The following CNTN3 variants were observed in gnomAD, a reference collection of about 807,000 sequenced individuals.
CNTN3 encodes contactin 3.
In CNTN3, 60 loss-of-function variants were observed where a neutral mutation model predicts 119.1. The ratio of observed to expected loss-of-function variants is 0.50; its 90% CI spans 0.41 to 0.62. The LOEUF is 0.62. Ranked by LOEUF, CNTN3 falls within the 20% of genes least tolerant of loss-of-function variation. CNTN3 has a pLI of 0.00. For missense variants in CNTN3, 1,101 were observed against 1,242.4 expected, an observed-to-expected ratio of 0.89 and a Z score of 1.71; for synonymous variants, 450 against 438.7, an observed-to-expected ratio of 1.03 and a Z score of -0.32.
intron 4 of CNTN3, among the ~76,000 whole-genome samples, chr3:74,440,076 C>T (rs1316318119): frequency 6.6e-6 from 1 of 152,154 alleles, no homozygotes; most frequent in Admixed American, 6.5e-5. Flanking sequence ...GTATAACTGG[C>T]TTCCATTAGT....
intron 1 of CNTN3, among the ~76,000 whole-genome samples, chr3:74,537,059 C>A (rs1386696502): frequency 6.6e-6 from 1 of 151,960 alleles, no homozygotes; most frequent in Non-Finnish European, 1.5e-5. Flanking sequence ...TGTCCTGAGA[C>A]CAGGAGTTTG....
In CNTN3 at chr3:74,318,155, C is replaced by T. The variant is rs1324663084; in HGVS notation, c.1669-15348G>A. Among the ~76,000 whole-genome samples, 3 of 152,324 alleles carry T rather than the reference C, an allele frequency of 2.0e-5. No homozygotes were observed. In the East Asian group the frequency reaches 5.8e-4, roughly 29 times the overall value. ...CAGCTCCTGAGGTTTCTGCATTCTT[C>T]ACGTAGTTCTCAAGCCTTGGCTTTC... On this transcript the variant is annotated intron_variant, in intron 13 of 22. Coordinates refer to ENST00000263665, the MANE Select transcript of CNTN3 (RefSeq NM_020872.3).
chr3:74,595,576 C>G (rs1273937947), intron 1 of CNTN3, among the ~76,000 whole-genome samples: 7 of 151,968 alleles, frequency 4.6e-5, no homozygotes, highest in Non-Finnish European at 1.0e-4. Flanking sequence ...TAAACAGAAC[C>G]AAAGACAAAA....
chr3:74,471,129 C>T (rs181306668), intron 4 of CNTN3, among the ~76,000 whole-genome samples: 186 of 152,062 alleles, frequency 1.2e-3, no homozygotes, highest in Non-Finnish European at 2.1e-3. Flanking sequence ...CCAGCCTCAG[C>T]GGGATCCCAA....
intron 13 of CNTN3, among the ~76,000 whole-genome samples, chr3:74,312,192 G>C (rs1418068789): frequency 6.6e-6 from 1 of 151,932 alleles, no homozygotes; most frequent in South Asian, 2.1e-4. Context: ...GGTGGCTCAC[G>C]CCTGTAATCC....
At chr3:74,522,373 A>T (rs1374909931) in intron 1 of CNTN3, among the ~76,000 whole-genome samples, 2 of 151,906 alleles carry the variant, frequency 1.3e-5, no homozygotes, top group African/African-American at 4.8e-5. Flanking sequence ...CTGCTGTTCT[A>T]AGAATTGCAG....
At chr3:74,530,053 T>C (rs545041535) in intron 1 of CNTN3, among the ~76,000 whole-genome samples, 3 of 152,126 alleles carry the variant, frequency 2.0e-5, no homozygotes, top group Admixed American at 6.6e-5. Context: ...AGAGTGATCT[T>C]GGGGAAAAAC....
intron 5 of CNTN3, among the ~76,000 whole-genome samples, chr3:74,392,716 G>A (rs1704945616): frequency 6.6e-6 from 1 of 152,132 alleles, no homozygotes; most frequent in South Asian, 2.1e-4. Flanking sequence ...AGTGATGATT[G>A]GTGCTACAAA....
chr3:74,562,433 CTG>C (rs1704166979), intron 1 of CNTN3, among the ~76,000 whole-genome samples: 3 of 152,142 alleles, frequency 2.0e-5, no homozygotes, highest in Admixed American at 6.5e-5. Flanking sequence ...ATTATTCCTT[CTG>C]TGTTTGCCAA....
intron 11 of CNTN3, among the ~76,000 whole-genome samples, chr3:74,339,058 G>A (rs1162577214): frequency 6.6e-6 from 1 of 152,008 alleles, no homozygotes; most frequent in Admixed American, 6.6e-5. Context: ...TTTTCCTAAT[G>A]AGCATGTAAT....
At chr3:74,551,167 A>C (rs374550428) in intron 1 of CNTN3, among the ~76,000 whole-genome samples, 17 of 152,310 alleles carry the variant, frequency 1.1e-4, no homozygotes, top group African/African-American at 4.1e-4. Flanking sequence ...TCACTATCCA[A>C]GGGCTTACAG....
intron 1 of CNTN3, among the ~76,000 whole-genome samples, chr3:74,574,533 T>A (rs772802119): frequency 2.6e-5 from 4 of 152,170 alleles, no homozygotes; most frequent in Non-Finnish European, 5.9e-5. Flanking sequence ...TTAGGTTTAG[T>A]TTAATAAAAC....
intron 1 of CNTN3, among the ~76,000 whole-genome samples, chr3:74,573,080 G>A (rs184097863): frequency 1.3e-5 from 2 of 152,194 alleles, no homozygotes; most frequent in African/African-American, 2.4e-5. Context: ...GTGACTCCCT[G>A]CCTAAATGCC....
chr3:74,407,245 T>G (rs901618055), intron 5 of CNTN3, among the ~76,000 whole-genome samples: 3 of 150,048 alleles, frequency 2.0e-5, no homozygotes, highest in Non-Finnish European at 4.4e-5. Context: ...GGGTAAAGTA[T>G]AGCCAGGCCA....
rs368152173 is a variant in CNTN3, at chr3:74,332,149, C to T, written c.1668+2586G>A. Among the ~76,000 whole-genome samples, 15 of 152,294 alleles carry T rather than the reference C, an allele frequency of 9.8e-5. No individual in the cohort carries two copies. The South Asian group carries it at 1.2e-3, about 13-fold the overall frequency. ...GTTCACATTTTGCTGCTTTTGGAAA[C>T]GGGATATATCTATGAACCCACTGGG... On this transcript the variant is annotated intron_variant, in intron 13 of 22. Transcript: ENST00000263665.
At chr3:74,505,604 A>G (rs990503229) in intron 2 of CNTN3, among the ~76,000 whole-genome samples, 9 of 152,118 alleles carry the variant, frequency 5.9e-5, no homozygotes, top group Non-Finnish European at 8.8e-5. Flanking sequence ...CATGAACCAC[A>G]TAATTCCAAA....
At chr3:74,296,779 G>T (rs1264007022) in intron 18 of CNTN3, among the ~76,000 whole-genome samples, 1 of 151,976 alleles carries the variant, frequency 6.6e-6, no homozygotes, top group Non-Finnish European at 1.5e-5. Context: ...TTGTAAATGG[G>T]AAATAATAGT....
intron 1 of CNTN3, among the ~76,000 whole-genome samples, chr3:74,571,817 T>C (rs961861720): frequency 6.6e-6 from 1 of 152,108 alleles, no homozygotes; most frequent in African/African-American, 2.4e-5. Context: ...ATGAATACTT[T>C]ATTAAAAATG....
chr3:74,445,272 G>T (rs1198836240), intron 4 of CNTN3, among the ~76,000 whole-genome samples: 4 of 150,866 alleles, frequency 2.7e-5, no homozygotes, highest in South Asian at 2.1e-4. Context: ...TTTGTTTTTG[G>T]TTTTTTTTTA....
Sources: allele counts gnomAD v4.1 joint callset (sites outside exome capture counted in the v4.1 genomes callset), GRCh38; gene constraint gnomAD v4.1.1; transcripts MANE v1.5; gene names NCBI Gene and HGNC (gene_info 2026-07-23, HGNC 2026-07-21).